The following UNC13C variants were observed in gnomAD, a reference collection of about 807,000 sequenced individuals.
The protein encoded by UNC13C is unc-13 homolog C, also known as protein unc-13 homolog C.
UNC13C carries 174 observed loss-of-function variants against 245.4 expected under a neutral mutation model. The ratio of observed to expected loss-of-function variants is 0.71; its 90% CI spans 0.63 to 0.80. UNC13C has a LOEUF of 0.80. Ranked by LOEUF, UNC13C falls within the 30% of genes least tolerant of loss-of-function variation. UNC13C has a pLI of 0.00. For synonymous variants in UNC13C, 992 were observed against 895.1 expected (o/e 1.11, Z -1.93); for missense variants, 2,829 against 2,602.9 (o/e 1.09, Z -1.89).
intron 19 of UNC13C, among the ~76,000 whole-genome samples, chr15:54,471,525 G>C (rs1892460512): frequency 6.6e-6 from 1 of 151,286 alleles, no homozygotes; most frequent in Non-Finnish European, 1.5e-5. Flanking sequence ...ATTCCCCTTT[G>C]GCTTTCTTTG....
In UNC13C at chr15:54,444,793, T is replaced by A. The variant is rs998633526; in HGVS notation, c.4933+29726T>A. Reference sequence around the variant, plus strand: ...TAGAACTGGCTTAAGAGTTTATTTTTTATATATATATTACTTTTATATATA... The same window carrying A: ...TAGAACTGGCTTAAGAGTTTATTTTATATATATATATTACTTTTATATATA... On this transcript the variant is annotated intron_variant, in intron 19 of 32. Transcript: ENST00000260323. Among the ~76,000 whole-genome samples, 13 of 151,670 alleles carry A rather than the reference T, an allele frequency of 8.6e-5. 1 individual carries two copies. The South Asian group carries it at 1.2e-3, about 15-fold the overall frequency.
At chr15:54,190,712 T>C (rs1482013652) in intron 4 of UNC13C, among the ~76,000 whole-genome samples, 1 of 152,090 alleles carries the variant, frequency 6.6e-6, no homozygotes, top group African/African-American at 2.4e-5. Context: ...ATTTTTTATG[T>C]GTCCCATTTA....
In UNC13C at chr15:54,033,599, A is replaced by G. The variant is rs76143584; in HGVS notation, c.2983+17713A>G. Among the ~76,000 whole-genome samples the G allele has an allele frequency of 9.9e-3, 1,514 of 152,302 alleles. 10 individuals carry two copies. The highest frequency in any genetic ancestry group is 0.041 in the Middle Eastern group (12 of 294). ...CCCCAAGAAGGACCTGGGAATAAGT[A>G]TTGTGAATAAAATCCCCTAAAGTTT... On this transcript the variant is annotated intron_variant, in intron 2 of 32. Transcript: ENST00000260323.
chr15:54,147,472 G>T (rs1377859108), intron 4 of UNC13C, among the ~76,000 whole-genome samples: 1 of 152,102 alleles, frequency 6.6e-6, no homozygotes, highest in Non-Finnish European at 1.5e-5. Context: ...GCCTGCCTCG[G>T]CCTCCCAAAG....
At chr15:53,975,069 A>T (rs1395617817), upstream of UNC13C, 1 of 152,246 alleles carries the variant, frequency 6.6e-6, no homozygotes, top group African/African-American at 2.4e-5. Flanking sequence ...AGAGTGAGCA[A>T]ACCAGAGTGG....
At chr15:54,342,140 A>G (rs576203063) in intron 17 of UNC13C, among the ~76,000 whole-genome samples, 4 of 152,168 alleles carry the variant, frequency 2.6e-5, no homozygotes, top group Non-Finnish European at 5.9e-5. Flanking sequence ...TTGCCTGTCA[A>G]TCTTTTGTGT....
At chr15:54,110,720 T>TG (rs1292139078) in intron 2 of UNC13C, among the ~76,000 whole-genome samples, 1 of 152,192 alleles carries the variant, frequency 6.6e-6, no homozygotes, top group African/African-American at 2.4e-5. Flanking sequence ...TTGGTTTTTT[T>TG]TGTGTGAATT....
chr15:54,171,418 A>C (rs184895942), intron 4 of UNC13C, among the ~76,000 whole-genome samples: 21 of 151,492 alleles, frequency 1.4e-4, no homozygotes, highest in Admixed American at 1.2e-3. Flanking sequence ...ACAATCTAAT[A>C]ATCCGATTAA....
intron 4 of UNC13C, among the ~76,000 whole-genome samples, chr15:54,151,323 A>G (rs1244132663): frequency 1.3e-5 from 2 of 152,206 alleles, no homozygotes; most frequent in Non-Finnish European, 2.9e-5. Context: ...AATAGTATTT[A>G]AGAACATGAA....
At chr15:54,205,552 A>C (rs1198091194) in intron 4 of UNC13C, among the ~76,000 whole-genome samples, 4 of 151,984 alleles carry the variant, frequency 2.6e-5, no homozygotes, top group Non-Finnish European at 5.9e-5. Context: ...GGCTATTTTC[A>C]TGTTTATTAT....
At chr15:54,512,892 G>A (rs1894813830) in intron 24 of UNC13C, among the ~76,000 whole-genome samples, 1 of 152,044 alleles carries the variant, frequency 6.6e-6, no homozygotes, top group Non-Finnish European at 1.5e-5. Context: ...TCCAATGTCT[G>A]TTTCTTTTTC....
intron 17 of UNC13C, among the ~76,000 whole-genome samples, chr15:54,364,481 G>C (rs879634273): frequency 1.3e-5 from 2 of 152,184 alleles, no homozygotes; most frequent in African/African-American, 4.8e-5. Flanking sequence ...GATGTAGGGA[G>C]CTACTGGGGT....
intron 2 of UNC13C, among the ~76,000 whole-genome samples, chr15:54,094,445 C>T (rs996082623): frequency 2.0e-5 from 3 of 152,264 alleles, no homozygotes; most frequent in African/African-American, 7.2e-5. Flanking sequence ...TAGTTTAAGG[C>T]TAACTGGTAC....
the UNC13C span, among the ~76,000 whole-genome samples, chr15:53,953,568 A>G: frequency 2.6e-5 from 4 of 152,264 alleles, no homozygotes; most frequent in Non-Finnish European, 5.9e-5. Flanking sequence ...AGTTTGCTGT[A>G]AACATGAATG....
intron 4 of UNC13C, among the ~76,000 whole-genome samples, chr15:54,198,162 T>C (rs1035120733): frequency 1.3e-5 from 2 of 152,050 alleles, no homozygotes; most frequent in African/African-American, 4.8e-5. Context: ...ACACAGCACA[T>C]TCATCAAGCC....
At chr15:54,329,163 AGTT>A (rs2038375922) in intron 14 of UNC13C, among the ~76,000 whole-genome samples, 1 of 146,844 alleles carries the variant, frequency 6.8e-6, no homozygotes, top group Non-Finnish European at 1.5e-5. Context: ...GATACGTAAT[AGTT>A]GTACATATTT....
Position 54,013,343 on chromosome 15 carries a change from C to A in UNC13C, c.440C>A (p.Thr147Lys). The change falls in exon 2 of 33, where the codon ACA becomes AAA. Residue 147 changes from threonine to lysine, a missense_variant. Transcript: ENST00000260323. ...GAAAACCAGGCACAATCAACACACACAATGCCAGTTAGACGCAACAGAAAG... is the reference window on the plus strand; with the variant it reads ...GAAAACCAGGCACAATCAACACACAAAATGCCAGTTAGACGCAACAGAAAG... ...STENQAQSTH[T>K]MPVRRNRKSS... The A allele has an allele frequency of 6.2e-7, 1 of 1,613,886 alleles. No homozygotes were observed. The highest frequency in any genetic ancestry group is 8.5e-7 in the Non-Finnish European group (1 of 1,179,870).
At chr15:54,370,066 G>GT (rs1395696101) in intron 17 of UNC13C, among the ~76,000 whole-genome samples, 1 of 152,046 alleles carries the variant, frequency 6.6e-6, no homozygotes, top group African/African-American at 2.4e-5. Context: ...CTCACTTATT[G>GT]TAGGACTGCT....
rs968140134 is a variant in UNC13C, at chr15:54,623,649, T to C, written c.6200-146T>C. On this transcript the variant is annotated intron_variant, in intron 31 of 32. Coordinates refer to ENST00000260323, the MANE Select transcript of UNC13C (RefSeq NM_001080534.3). Reference sequence around the variant, plus strand: ...TCAGGTGTGCCTTCCAGAAAGAAAATTGTATTTTATTGTCTTGGAGTACAG... The same window carrying C: ...TCAGGTGTGCCTTCCAGAAAGAAAACTGTATTTTATTGTCTTGGAGTACAG... 2.5e-5 allele frequency: 18 copies of C among 706,568 alleles called. No homozygotes were observed. In the South Asian group the frequency reaches 2.7e-4, roughly 11 times the overall value. 43.8% of individuals were successfully genotyped at this position (706,568 alleles called of 1,614,324 possible).
Sources: gnomAD v4.1 joint callset for allele counts (sites outside exome capture counted in the v4.1 genomes callset) on GRCh38, gnomAD v4.1.1 for gene constraint, MANE v1.5 for transcripts, NCBI Gene and HGNC (gene_info 2026-07-23, HGNC 2026-07-21) for gene names.